Variants in NAALADL2 observed in about 807,000 individuals in gnomAD.
NAALADL2 encodes inactive N-acetylated-alpha-linked acidic dipeptidase-like protein 2.
Under a neutral mutation model 87.2 loss-of-function variants are expected in NAALADL2, and 76 were observed. The ratio of observed to expected loss-of-function variants is 0.87; its 90% CI spans 0.72 to 1.05. The LOEUF (loss-of-function observed/expected upper bound fraction) is 1.05. Ranked by LOEUF, NAALADL2 falls within the 50% of genes least tolerant of loss-of-function variation. NAALADL2 has a pLI of 0.00. For missense variants in NAALADL2, 1,089 were observed against 945.8 expected (o/e 1.15, Z -1.99); for synonymous variants, 354 against 331.0 (o/e 1.07, Z -0.75).
chr3:174,910,060 AAATAT>A (rs1733497241), intron 1 of NAALADL2, among the ~76,000 whole-genome samples: 1 of 152,056 alleles, frequency 6.6e-6, no homozygotes, highest in Non-Finnish European at 1.5e-5. Context: ...AGCACAAATA[AAATAT>A]AATTTTATCT....
intron 1 of NAALADL2, among the ~76,000 whole-genome samples, chr3:174,928,653 A>G (rs1736439252): frequency 6.6e-6 from 1 of 152,208 alleles, no homozygotes; most frequent in Non-Finnish European, 1.5e-5. Context: ...TGCCAAGCAA[A>G]CTGATGATAA....
chr3:174,452,367 T>C (rs1291459758), intron 1 of NAALADL2, among the ~76,000 whole-genome samples: 1 of 152,096 alleles, frequency 6.6e-6, no homozygotes, highest in Non-Finnish European at 1.5e-5. Context: ...CCACATGGAG[T>C]CAGGCACCCA....
At chr3:174,474,541 A>G (rs1283904595) in intron 1 of NAALADL2, among the ~76,000 whole-genome samples, 3 of 152,154 alleles carry the variant, frequency 2.0e-5, no homozygotes, top group Non-Finnish European at 4.4e-5. Context: ...CTTGAAAATC[A>G]GTAATATTTA....
At chr3:175,750,428 T>C (rs553746377) in intron 12 of NAALADL2, among the ~76,000 whole-genome samples, 1 of 152,262 alleles carries the variant, frequency 6.6e-6, no homozygotes, top group African/African-American at 2.4e-5. Flanking sequence ...CCCTCCCTCC[T>C]TCCTTCTTTC....
chr3:175,171,608 G>T (rs1734825673), intron 2 of NAALADL2, among the ~76,000 whole-genome samples: 1 of 152,020 alleles, frequency 6.6e-6, no homozygotes, highest in Admixed American at 6.6e-5. Flanking sequence ...TAGCTACTGT[G>T]TTGCAGGCTA....
At chr3:175,188,241 A>G (rs757833338) in intron 2 of NAALADL2, among the ~76,000 whole-genome samples, 1 of 152,194 alleles carries the variant, frequency 6.6e-6, no homozygotes, top group African/African-American at 2.4e-5. Flanking sequence ...AACAAAAGAA[A>G]AATACTATAT....
At chr3:174,499,743 G>A (rs978610511) in intron 1 of NAALADL2, among the ~76,000 whole-genome samples, 1 of 151,722 alleles carries the variant, frequency 6.6e-6, no homozygotes, top group Non-Finnish European at 1.5e-5. Flanking sequence ...TGTATATGTG[G>A]GTCTTTCGTT....
intron 9 of NAALADL2, among the ~76,000 whole-genome samples, chr3:175,566,377 G>A (rs986789816): frequency 3.9e-5 from 6 of 152,080 alleles, no homozygotes; most frequent in Admixed American, 6.5e-5. Flanking sequence ...ATATTAGAGC[G>A]TATAGACTTT....
At chr3:175,295,578 G>A (rs903001646) in intron 4 of NAALADL2, among the ~76,000 whole-genome samples, 1 of 151,926 alleles carries the variant, frequency 6.6e-6, no homozygotes, top group Non-Finnish European at 1.5e-5. Flanking sequence ...CTGTGCTTCT[G>A]TTTCACAAGT....
intron 2 of NAALADL2, among the ~76,000 whole-genome samples, chr3:174,564,391 T>C (rs866801350): frequency 3.9e-4 from 59 of 151,978 alleles, no homozygotes; most frequent in Admixed American, 3.7e-3. Flanking sequence ...TCAGTGAGGG[T>C]AACAAGGTAG....
In NAALADL2 at chr3:175,460,114, C is replaced by G. The variant is rs910339107; in HGVS notation, c.1235-3287C>G. Reference sequence around the variant, plus strand: ...AAGTACAGGATTGCTTTTGTTATTGCTATGAAGAGTAATATTGCCTTACCA... The same window carrying G: ...AAGTACAGGATTGCTTTTGTTATTGGTATGAAGAGTAATATTGCCTTACCA... On this transcript the variant is annotated intron_variant, in intron 6 of 13. Transcript: ENST00000454872. 3.5e-5 allele frequency: 16 copies of G among 455,344 alleles called. No homozygotes were observed. The Admixed American group carries it at 3.8e-4, about 11-fold the overall frequency. 28.2% of individuals were successfully genotyped at this position (455,344 alleles called of 1,614,324 possible).
At chr3:175,414,839 A>G (rs1714281150) in intron 5 of NAALADL2, among the ~76,000 whole-genome samples, 1 of 152,188 alleles carries the variant, frequency 6.6e-6, no homozygotes, top group African/African-American at 2.4e-5. Context: ...GTTATGCAGG[A>G]AAATGCTTAC....
chr3:174,967,237 G>A (rs185747015), intron 1 of NAALADL2, among the ~76,000 whole-genome samples: 20 of 152,060 alleles, frequency 1.3e-4, no homozygotes, highest in East Asian at 1.2e-3. Flanking sequence ...TTATTTGACC[G>A]TTTGTTTCAT....
intron 1 of NAALADL2, among the ~76,000 whole-genome samples, chr3:175,071,465 T>G (rs1715628929): frequency 6.6e-6 from 1 of 151,980 alleles, no homozygotes; most frequent in Admixed American, 6.6e-5. Flanking sequence ...GTTGTGTGCA[T>G]ACAGTTTTTC....
At chr3:175,340,716 T>C (rs1453758567) in intron 5 of NAALADL2, among the ~76,000 whole-genome samples, 3 of 152,160 alleles carry the variant, frequency 2.0e-5, no homozygotes, top group Non-Finnish European at 4.4e-5. Flanking sequence ...ATTAACATGA[T>C]CATGGCTTCT....
chr3:174,540,385 T>C (rs911413239), intron 1 of NAALADL2, among the ~76,000 whole-genome samples: 2 of 152,190 alleles, frequency 1.3e-5, no homozygotes, highest in African/African-American at 4.8e-5. Flanking sequence ...TGCTTCCACC[T>C]CCTCATTCTG....
At chr3:175,588,379 G>A (rs1720852220) in intron 10 of NAALADL2, among the ~76,000 whole-genome samples, 1 of 151,864 alleles carries the variant, frequency 6.6e-6, no homozygotes, top group East Asian at 1.9e-4. Flanking sequence ...CCCAGGATAT[G>A]GTTGAAAATA....
intron 3 of NAALADL2, among the ~76,000 whole-genome samples, chr3:174,745,965 C>G (rs1001628245): frequency 7.2e-5 from 11 of 152,126 alleles, no homozygotes; most frequent in African/African-American, 2.7e-4. Flanking sequence ...AAACCCACAA[C>G]CAATATCATT....
At chr3:174,788,745 T>G (rs1398035238) in intron 3 of NAALADL2, among the ~76,000 whole-genome samples, 2 of 152,124 alleles carry the variant, frequency 1.3e-5, no homozygotes, top group African/African-American at 4.8e-5. Context: ...GGTGATAGAA[T>G]GCTTACATTT....
Sources: gnomAD v4.1 joint callset for allele counts (sites outside exome capture counted in the v4.1 genomes callset) on GRCh38, gnomAD v4.1.1 for gene constraint, MANE v1.5 for transcripts, NCBI Gene and HGNC (gene_info 2026-07-23, HGNC 2026-07-21) for gene names.